ZNF141: variants seen among roughly 807,000 people sequenced by gnomAD.
ZNF141 encodes the protein zinc finger protein 141, also known as zinc finger protein 141 (clone pHZ-44).
A neutral mutation model predicts 11.3 loss-of-function variants in ZNF141; 7 were observed. That is an observed-to-expected ratio of 0.62 (90% CI 0.35 to 1.16). The LOEUF (loss-of-function observed/expected upper bound fraction) is 1.16, where lower values mean the gene tolerates loss of function less well. Among genes scored for constraint, ZNF141 ranks in the 50% most tolerant of loss-of-function variants. The pLI, the probability that ZNF141 is intolerant of heterozygous loss-of-function variation, is 0.02. For synonymous variants in ZNF141, 183 were observed against 190.7 expected, an observed-to-expected ratio of 0.96 and a Z score of 0.33; for missense variants, 535 against 554.0, an observed-to-expected ratio of 0.97 and a Z score of 0.34.
intron 3 of ZNF141, among the ~76,000 whole-genome samples, chr4:353,306 T>A (rs933900939): frequency 6.7e-6 from 1 of 149,352 alleles, no homozygotes; most frequent in Non-Finnish European, 1.5e-5. Flanking sequence ...CCCTCAGAGG[T>A]CAAGGCTGCT....
chr4:370,327 A>G (rs983772629), intron 3 of ZNF141, among the ~76,000 whole-genome samples: 6 of 151,976 alleles, frequency 3.9e-5, no homozygotes, highest in Admixed American at 3.3e-4. Flanking sequence ...AAAGTTATGT[A>G]TTTTCATATC....
At chr4:350,106 G>A in intron 3 of ZNF141, 1 of 532,612 alleles carries the variant, frequency 1.9e-6, no homozygotes, top group Admixed American at 1.9e-5. Context: ...GACCACGTCT[G>A]GACTGTAGCT....
chr4:341,657 GCCCA>G, intron 1 of ZNF141, among the ~76,000 whole-genome samples: 1 of 152,146 alleles, frequency 6.6e-6, no homozygotes, highest in Admixed American at 6.5e-5. Flanking sequence ...GAAGCCTAGG[GCCCA>G]CTTTCTGTCC....
chr4:373,284 A>G lies in ZNF141; in HGVS notation c.847A>G (p.Ile283Val), dbSNP rs1553853924. The change falls in exon 4 of 4, where the codon ATC becomes GTC. Residue 283 changes from isoleucine to valine, a missense_variant. Transcript: ENST00000240499. ...HKRIHAGEKP[I>V]TCEECRKIFT... ...GAGAATTCATGCTGGAGAGAAACCC[A>G]TCACATGTGAAGAATGTAGGAAAAT... 5.0e-6 allele frequency: 8 copies of G among 1,610,376 alleles called. No individual in the cohort carries two copies. The highest frequency in any genetic ancestry group is 2.2e-5 in the East Asian group (1 of 44,680).
intron 3 of ZNF141, among the ~76,000 whole-genome samples, chr4:345,395 G>C (rs1287487696): frequency 6.6e-6 from 1 of 152,114 alleles, no homozygotes; most frequent in Non-Finnish European, 1.5e-5. Flanking sequence ...TTATAATATA[G>C]TTTAAAGCAT....
At position 381,400 on chromosome 4, in the gene ZNF141, CTTTTTTTTT is replaced by C. The variant is rs34721227; in HGVS notation, c.*7556_*7564del. 1.3e-5 allele frequency among the ~76,000 whole-genome samples: 1 copy of C among 76,936 alleles called. No homozygotes were observed. Among genetic ancestry groups the C allele is most frequent in the Non-Finnish European group, 2.3e-5 (1 of 43,674 alleles). 50.5% of individuals were successfully genotyped at this position (76,936 alleles called of 152,430 possible). On this transcript the variant is annotated 3_prime_UTR_variant, in exon 4 of 4. Coordinates refer to ENST00000240499, the MANE Select transcript of ZNF141 (RefSeq NM_003441.4). ...CTATTTAATACAGACTTCAAATGTG[CTTTTTTTTT>C]TTTTTTTTTTTTTTTTTGAGACGTT... is the stretch of plus-strand genomic sequence containing the variant.
chr4:355,464 C>T (rs1239204248), intron 3 of ZNF141, among the ~76,000 whole-genome samples: 1 of 152,134 alleles, frequency 6.6e-6, no homozygotes, highest in Non-Finnish European at 1.5e-5. Flanking sequence ...CCTGGGCCTC[C>T]CAAAGTGTTG....
At chr4:346,328 G>GT (rs1721316084) in intron 3 of ZNF141, among the ~76,000 whole-genome samples, 2 of 152,102 alleles carry the variant, frequency 1.3e-5, no homozygotes, top group Non-Finnish European at 2.9e-5. Flanking sequence ...GGATTTTTCT[G>GT]ATAAATAAAA....
intron 1 of ZNF141, among the ~76,000 whole-genome samples, 165 bp from the exon 2 acceptor site, chr4:343,617 T>C (rs952613413): frequency 2.1e-5 from 3 of 143,256 alleles, no homozygotes; most frequent in Admixed American, 7.6e-5. Context: ...CCCAGCTACT[T>C]GGGAGGCTGA....
rs1251373092 is a variant in ZNF141, at chr4:384,124, G to A, written c.*10262G>A. The A allele has an allele frequency of 3.3e-5, 5 of 152,216 alleles. No individual in the cohort carries two copies. The highest frequency in any genetic ancestry group is 1.2e-4 in the African/African-American group (5 of 41,446). The allele number at this position is 152,216 out of a possible 1,614,324, so 9.4% of individuals were successfully genotyped here. Reference sequence around the variant, plus strand: ...TGTGATTGGTACTTAAACTCACACAGTGCCCCATACCACAGGAGAAAAACA... The same window carrying A: ...TGTGATTGGTACTTAAACTCACACAATGCCCCATACCACAGGAGAAAAACA... On this transcript the variant is annotated 3_prime_UTR_variant, in exon 4 of 4. Coordinates refer to ENST00000240499, the MANE Select transcript of ZNF141 (RefSeq NM_003441.4).
chr4:360,032 T>C (rs912541193), intron 3 of ZNF141, among the ~76,000 whole-genome samples: 6 of 152,210 alleles, frequency 3.9e-5, no homozygotes, highest in Non-Finnish European at 5.9e-5. Flanking sequence ...TAGCTATGTT[T>C]ACAATGAGAA....
chr4:382,182 G>A lies in ZNF141; in HGVS notation c.*8320G>A, dbSNP rs1402735530. On this transcript the variant is annotated 3_prime_UTR_variant, in exon 4 of 4. Transcript: ENST00000240499. ...AACAAGGTCTTGATTTCCTGACCTC[G>A]TGATCCGCCTGCCTCAGCCTACCAA... Among the ~76,000 whole-genome samples, 4 of 151,714 alleles carry A rather than the reference G, an allele frequency of 2.6e-5. No individual in the cohort carries two copies. The highest frequency in any genetic ancestry group is 9.7e-5 in the African/African-American group (4 of 41,254).
At chr4:344,467 G>T in intron 3 of ZNF141, 37 bp downstream of exon 3, 1 of 1,561,128 alleles carries the variant, frequency 6.4e-7, no homozygotes, top group East Asian at 2.3e-5. Context: ...GCACAGGCAA[G>T]GGGACCAAAG....
chr4:344,466 A>G (rs782314405), intron 3 of ZNF141, 36 bp downstream of exon 3: 1 of 1,561,182 alleles, frequency 6.4e-7, no homozygotes, highest in Non-Finnish European at 8.7e-7. Flanking sequence ...GGCACAGGCA[A>G]GGGGACCAAA....
Position 373,922 on chromosome 4 carries a change from G to C in ZNF141, c.*60G>C. 1.4e-6 allele frequency: 2 copies of C among 1,418,396 alleles called. No individual in the cohort carries two copies. Among genetic ancestry groups the C allele is most frequent in the Non-Finnish European group, 1.9e-6 (2 of 1,037,840 alleles). The allele number at this position is 1,418,396 out of a possible 1,614,324, so 87.9% of individuals were successfully genotyped here. On this transcript the variant is annotated 3_prime_UTR_variant, in exon 4 of 4. Transcript: ENST00000240499. ...CTTTGGATGATCCACAAACCTTAAT[G>C]AACATGAGAAAATTTATACTGTAGA...
intron 1 of ZNF141, chr4:342,984 CT>C (rs1267114358): frequency 2.3e-5 from 30 of 1,320,494 alleles, no homozygotes; most frequent in African/African-American, 4.4e-5. Context: ...AAATCAGTTC[CT>C]TGCGTGGTTA....
In ZNF141 at chr4:384,043, A is replaced by G. The variant is rs1712795923; in HGVS notation, c.*10181A>G. On this transcript the variant is annotated 3_prime_UTR_variant, in exon 4 of 4. Transcript: ENST00000240499. ...TGTTCGAAATGTCAAGGACCTGGAC[A>G]GTTCACACTCACGGCCTTCCTTCTG... 1 of 152,222 alleles carries G rather than the reference A, an allele frequency of 6.6e-6. No homozygotes were observed. Among genetic ancestry groups the G allele is most frequent in the Non-Finnish European group, 1.5e-5 (1 of 68,062 alleles). The allele number at this position is 152,222 out of a possible 1,614,324, so 9.4% of individuals were successfully genotyped here.
chr4:363,231 C>T (rs1422719485), intron 3 of ZNF141, among the ~76,000 whole-genome samples: 1 of 152,144 alleles, frequency 6.6e-6, no homozygotes, highest in Non-Finnish European at 1.5e-5. Flanking sequence ...ATTTTGTGTC[C>T]TGAGACTTTG....
At chr4:350,363 G>T in intron 3 of ZNF141, 1 of 357,998 alleles carries the variant, frequency 2.8e-6, no homozygotes, top group Non-Finnish European at 5.8e-6. Context: ...GTATAAAAAT[G>T]GAATCATGCA....
Sources: gnomAD v4.1 joint callset for allele counts (sites outside exome capture counted in the v4.1 genomes callset) on GRCh38, gnomAD v4.1.1 for gene constraint, MANE v1.5 for transcripts, NCBI Gene and HGNC (gene_info 2026-07-23, HGNC 2026-07-21) for gene names.